The following TIMP3 variants were observed in gnomAD, a reference collection of about 807,000 sequenced individuals.
TIMP3 encodes TIMP metallopeptidase inhibitor 3.
In TIMP3, 11 loss-of-function variants were observed where a neutral mutation model predicts 30.0. The ratio of observed to expected loss-of-function variants is 0.37; its 90% CI spans 0.23 to 0.61. TIMP3 has a LOEUF of 0.61. TIMP3 is among the 20% of genes least tolerant of loss of function. The probability of loss-of-function intolerance (pLI) is 0.70; values close to 1 mark genes in which losing one functional copy is unlikely to be tolerated. For synonymous variants in TIMP3, 112 were observed against 111.3 expected (o/e 1.01, Z -0.04); for missense variants, 181 against 276.8 (o/e 0.65, Z 2.45).
chr22:32,831,816 A>G (rs2047581718), intron 1 of TIMP3, among the ~76,000 whole-genome samples: 1 of 152,142 alleles, frequency 6.6e-6, no homozygotes, highest in Non-Finnish European at 1.5e-5. Context: ...TCTTGGCTGG[A>G]CTGTCAGCCT....
At chr22:32,854,470 C>T (rs1228710713) in intron 2 of TIMP3, among the ~76,000 whole-genome samples, 4 of 152,172 alleles carry the variant, frequency 2.6e-5, no homozygotes, top group South Asian at 4.1e-4. Flanking sequence ...AATGAGGTTC[C>T]CATGGGCTGG....
intron 3 of TIMP3, 61 bp from the exon 4 acceptor site, chr22:32,857,956 T>C: frequency 6.2e-7 from 1 of 1,613,378 alleles, no homozygotes; most frequent in Non-Finnish European, 8.5e-7. Flanking sequence ...AGGTGTGAAT[T>C]CTCTCTGGGC....
chr22:32,833,053 T>C (rs1351665722), intron 1 of TIMP3, among the ~76,000 whole-genome samples: 2 of 152,180 alleles, frequency 1.3e-5, no homozygotes, highest in Non-Finnish European at 2.9e-5. Context: ...TCTTAACACA[T>C]TTTTTAACAC....
At chr22:32,828,178 G>C (rs111863780) in intron 1 of TIMP3, among the ~76,000 whole-genome samples, 11 of 152,334 alleles carry the variant, frequency 7.2e-5, no homozygotes, top group African/African-American at 2.4e-4. Context: ...AGGAAATTGA[G>C]GCTGAGACAA....
intron 1 of TIMP3, among the ~76,000 whole-genome samples, chr22:32,819,526 T>A (rs1023923981): frequency 4.6e-5 from 7 of 152,188 alleles, no homozygotes; most frequent in African/African-American, 1.7e-4. Flanking sequence ...ACAGATTCTC[T>A]CCTTGAACAC....
chr22:32,847,169 G>A (rs564363894), intron 1 of TIMP3, among the ~76,000 whole-genome samples: 1 of 152,324 alleles, frequency 6.6e-6, no homozygotes, highest in East Asian at 1.9e-4. Flanking sequence ...GGAAGAATCA[G>A]TGGTAAAGGC....
chr22:32,853,771 A>G (rs1034075408), intron 2 of TIMP3, among the ~76,000 whole-genome samples: 19 of 152,200 alleles, frequency 1.2e-4, no homozygotes, highest in Admixed American at 2.6e-4. Flanking sequence ...CTTTTATTGA[A>G]TGTTGTGGGC....
rs130292 is a variant in TIMP3, at chr22:32,825,657, C to CAAAAAAA, written c.121+23569_121+23575dup. Among the ~76,000 whole-genome samples the CAAAAAAA allele has an allele frequency of 3.8e-4, 11 of 28,594 alleles. 4 individuals carry two copies. The highest frequency in any genetic ancestry group is 1.4e-3 in the Admixed American group (2 of 1,430). 18.8% of individuals were successfully genotyped at this position (28,594 alleles called of 152,430 possible). ...TGGGCGACAGAGCGAGTTTCCATCT[C>CAAAAAAA]AAAAAAAAAAAAAAAAAAAAAAAAA... On this transcript the variant is annotated intron_variant, in intron 1 of 4. Transcript: ENST00000266085.
At chr22:32,811,436 A>G (rs2046912112) in intron 1 of TIMP3, among the ~76,000 whole-genome samples, 1 of 152,198 alleles carries the variant, frequency 6.6e-6, no homozygotes, top group African/African-American at 2.4e-5. Flanking sequence ...TTCGGTGAGG[A>G]AAATGGCGCT....
chr22:32,833,205 C>A (rs1484014516), intron 1 of TIMP3, among the ~76,000 whole-genome samples: 1 of 152,108 alleles, frequency 6.6e-6, no homozygotes, highest in Admixed American at 6.5e-5. Flanking sequence ...CTAACAAAGC[C>A]ATTAAGAGAG....
intron 1 of TIMP3, among the ~76,000 whole-genome samples, chr22:32,846,087 T>C (rs1021612150): frequency 2.0e-5 from 3 of 152,150 alleles, no homozygotes; most frequent in African/African-American, 7.3e-5. Flanking sequence ...TGAAGTTTTG[T>C]TTTTGTAAGG....
intron 1 of TIMP3, among the ~76,000 whole-genome samples, chr22:32,808,288 CGCT>C (rs2046819708): frequency 6.6e-6 from 1 of 152,106 alleles, no homozygotes; most frequent in Admixed American, 6.5e-5. Flanking sequence ...CAAAGCTGTC[CGCT>C]GGCCAGGCTC....
At position 32,860,489 on chromosome 22, in the gene TIMP3, TGTC is replaced by T. The variant is rs1471064004; in HGVS notation, c.*1115_*1117del. The T allele has an allele frequency of 1.3e-5, 2 of 152,678 alleles. No individual in the cohort carries two copies. The highest frequency in any genetic ancestry group is 6.5e-5 in the Admixed American group (1 of 15,288). The allele number at this position is 152,678 out of a possible 1,614,324, so 9.5% of individuals were successfully genotyped here. A position where few individuals can be genotyped will look rare whatever the true frequency, so the allele number is the denominator to read the frequency against. ...AATAGTTTAATCTCTTCTATTTTGT[TGTC>T]GTTGCTTGTTTGAAGAAAATCATGA... On this transcript the variant is annotated 3_prime_UTR_variant, in exon 5 of 5. Transcript: ENST00000266085.
intron 1 of TIMP3, among the ~76,000 whole-genome samples, chr22:32,831,401 T>C (rs2047569647): frequency 1.3e-5 from 2 of 152,112 alleles, no homozygotes; most frequent in African/African-American, 4.8e-5. Context: ...AGAGTCTACT[T>C]GTCTGTGAGA....
Position 32,802,045 on chromosome 22 carries a change from G to A in TIMP3, c.44G>A (p.Ser15Asn). The change falls in exon 1 of 5, where the codon AGC becomes AAC. Residue 15 changes from serine (S) to asparagine (N), a missense_variant. Ser to Asn is a conservative substitution (Grantham distance 46). Transcript: ENST00000266085. ...CTCATCGTGCTCCTGGGCAGCTGGA[G>A]CCTGGGGGACTGGGGCGCCGAGGCG... is the stretch of plus-strand genomic sequence containing the variant. ...LGLIVLLGSW[S>N]LGDWGAEACT... The A allele has an allele frequency of 6.3e-7, 1 of 1,576,712 alleles. No individual in the cohort carries two copies. The highest frequency in any genetic ancestry group is 8.6e-7 in the Non-Finnish European group (1 of 1,166,070).
intron 1 of TIMP3, among the ~76,000 whole-genome samples, chr22:32,823,346 A>G (rs1222032475): frequency 6.6e-6 from 1 of 152,070 alleles, no homozygotes; most frequent in Admixed American, 6.5e-5. Context: ...AGAATGCCGC[A>G]AGGGATGTTT....
chr22:32,816,541 C>G (rs2047092229), intron 1 of TIMP3, among the ~76,000 whole-genome samples: 1 of 152,126 alleles, frequency 6.6e-6, no homozygotes, highest in African/African-American at 2.4e-5. Context: ...GTGAGGAGAA[C>G]AGCAGGCAGT....
chr22:32,851,225 C>T (rs1375676795), intron 2 of TIMP3, among the ~76,000 whole-genome samples: 3 of 152,180 alleles, frequency 2.0e-5, no homozygotes, highest in Non-Finnish European at 4.4e-5. Flanking sequence ...TCAGAAAACA[C>T]ACGAACCTGC....
intron 1 of TIMP3, among the ~76,000 whole-genome samples, chr22:32,840,414 A>G (rs1257648627): frequency 6.6e-6 from 1 of 151,950 alleles, no homozygotes; most frequent in Non-Finnish European, 1.5e-5. Flanking sequence ...GCCCTGGGGG[A>G]CCAGGGTAGG....
Sources: gnomAD v4.1 joint callset for allele counts (sites outside exome capture counted in the v4.1 genomes callset) on GRCh38, gnomAD v4.1.1 for gene constraint, MANE v1.5 for transcripts, NCBI Gene and HGNC (gene_info 2026-07-23, HGNC 2026-07-21) for gene names.